Variants in GRIN2B observed in about 807,000 individuals in gnomAD.
The protein encoded by GRIN2B is glutamate ionotropic receptor NMDA type subunit 2B, also known as glutamate receptor ionotropic, NMDA 2B.
In GRIN2B, 5 loss-of-function variants were observed where a neutral mutation model predicts 114.5. That is an observed-to-expected ratio of 0.04 (90% CI 0.02 to 0.09). GRIN2B has a LOEUF of 0.09. GRIN2B is among the 10% of genes least tolerant of loss of function. The probability of loss-of-function intolerance (pLI) is 1.00; values close to 1 mark genes in which losing one functional copy is unlikely to be tolerated. For synonymous variants in GRIN2B, 787 were observed against 745.1 expected, an observed-to-expected ratio of 1.06 and a Z score of -0.92; for missense variants, 1,108 against 1,943.5, an observed-to-expected ratio of 0.57 and a Z score of 8.08.
In GRIN2B at chr12:13,540,902, A is replaced by G. The variant is rs1373104847; in HGVS notation, c.*21881T>C. 1 of 152,224 alleles carries G rather than the reference A, an allele frequency of 6.6e-6. No individual in the cohort carries two copies. The highest frequency in any genetic ancestry group is 1.9e-4 in the East Asian group (1 of 5,186). The allele number at this position is 152,224 out of a possible 1,614,324, so 9.4% of individuals were successfully genotyped here. On this transcript the variant is annotated 3_prime_UTR_variant, in exon 14 of 14. Transcript: ENST00000609686. Reference sequence around the variant, plus strand: ...GGAGAGGACATCACACAGGAAAGCTATGACCATTTCCCCTCTGCCATGTGA... The same window carrying G: ...GGAGAGGACATCACACAGGAAAGCTGTGACCATTTCCCCTCTGCCATGTGA...
At chr12:13,730,630 G>C (rs1020554161) in intron 4 of GRIN2B, among the ~76,000 whole-genome samples, 7 of 152,134 alleles carry the variant, frequency 4.6e-5, no homozygotes, top group Non-Finnish European at 7.3e-5. Flanking sequence ...GTAGGCGATA[G>C]TGAGTGTTAA....
At chr12:13,914,232 C>G (rs955702963) in intron 2 of GRIN2B, among the ~76,000 whole-genome samples, 1 of 152,132 alleles carries the variant, frequency 6.6e-6, no homozygotes, top group African/African-American at 2.4e-5. Context: ...CCCCACTCCT[C>G]CCCACCCCTA....
At chr12:13,879,384 C>T (rs1326147613) in intron 2 of GRIN2B, among the ~76,000 whole-genome samples, 1 of 152,068 alleles carries the variant, frequency 6.6e-6, no homozygotes, top group Non-Finnish European at 1.5e-5. Flanking sequence ...GTATTATGAT[C>T]TTACAGAACC....
At chr12:13,870,098 G>C (rs1474505368) in intron 2 of GRIN2B, among the ~76,000 whole-genome samples, 1 of 152,134 alleles carries the variant, frequency 6.6e-6, no homozygotes, top group African/African-American at 2.4e-5. Flanking sequence ...AGGCTGAAAG[G>C]AATGTTAAGA....
chr12:13,717,799 G>A (rs756146676), intron 4 of GRIN2B, among the ~76,000 whole-genome samples: 10 of 151,936 alleles, frequency 6.6e-5, no homozygotes, highest in Non-Finnish European at 1.5e-4. Flanking sequence ...ATCCAAAACG[G>A]AAAATGGACT....
intron 4 of GRIN2B, among the ~76,000 whole-genome samples, chr12:13,707,326 A>G (rs961764081): frequency 9.2e-5 from 14 of 152,112 alleles, no homozygotes; most frequent in African/African-American, 9.7e-5. Context: ...CAACTCTTTA[A>G]CGGATATTTT....
chr12:13,880,616 C>G (rs1259817103), intron 2 of GRIN2B, among the ~76,000 whole-genome samples: 1 of 152,212 alleles, frequency 6.6e-6, no homozygotes, highest in Non-Finnish European at 1.5e-5. Context: ...TAAGCTGTCA[C>G]TGTTGAGAAG....
At chr12:13,907,974 C>T (rs1866570862) in intron 2 of GRIN2B, among the ~76,000 whole-genome samples, 2 of 152,046 alleles carry the variant, frequency 1.3e-5, no homozygotes, top group Non-Finnish European at 2.9e-5. Context: ...TTTTAAAATC[C>T]TAAAACTGCA....
At chr12:13,938,136 G>A (rs1867161623) in intron 2 of GRIN2B, among the ~76,000 whole-genome samples, 1 of 151,910 alleles carries the variant, frequency 6.6e-6, no homozygotes, top group African/African-American at 2.4e-5. Context: ...CCCCAAAGAA[G>A]GCGGGAAAGA....
intron 3 of GRIN2B, among the ~76,000 whole-genome samples, chr12:13,763,586 G>A (rs1336551874): frequency 6.6e-6 from 1 of 152,094 alleles, no homozygotes; most frequent in Non-Finnish European, 1.5e-5. Flanking sequence ...GAGATGATTA[G>A]GGCATTATTA....
intron 4 of GRIN2B, among the ~76,000 whole-genome samples, chr12:13,686,437 G>C (rs1438871187): frequency 6.6e-6 from 1 of 152,058 alleles, no homozygotes; most frequent in Non-Finnish European, 1.5e-5. Context: ...GTGGGGGCTA[G>C]AACTCTGCTG....
rs576207639 is a variant in GRIN2B, at chr12:13,695,263, C to G, written c.1011-19404G>C. On this transcript the variant is annotated intron_variant, in intron 4 of 13. Coordinates refer to ENST00000609686, the MANE Select transcript of GRIN2B (RefSeq NM_000834.5). ...TTTCGCTCACCTATCCCCTTCCTTC[C>G]CTTCTACCTTGCCAAACACTGGCCT... Among the ~76,000 whole-genome samples, 12 of 152,306 alleles carry G rather than the reference C, an allele frequency of 7.9e-5. No individual in the cohort carries two copies. The East Asian group carries it at 1.5e-3, about 20-fold the overall frequency.
chr12:13,862,679 CAAAAA>C (rs942303852), intron 3 of GRIN2B, among the ~76,000 whole-genome samples: 3 of 149,310 alleles, frequency 2.0e-5, no homozygotes, highest in Non-Finnish European at 4.5e-5. Flanking sequence ...CAAAACAAAA[CAAAAA>C]AAAAACCTGG....
chr12:13,977,512 T>G (rs1347399025), intron 2 of GRIN2B: 2 of 152,210 alleles, frequency 1.3e-5, no homozygotes, highest in Non-Finnish European at 2.9e-5. Context: ...TATTATTACT[T>G]TTCTTAATTG....
chr12:13,971,159 A>C (rs1411617348), intron 2 of GRIN2B, among the ~76,000 whole-genome samples: 1 of 152,158 alleles, frequency 6.6e-6, no homozygotes, highest in Non-Finnish European at 1.5e-5. Context: ...TTTTCTCCTA[A>C]ATATTTAGTG....
At chr12:13,728,362 C>A (rs1863027487) in intron 4 of GRIN2B, among the ~76,000 whole-genome samples, 9 of 152,036 alleles carry the variant, frequency 5.9e-5, no homozygotes. Flanking sequence ...TTTTAGAGAA[C>A]CACTGTTTAG....
chr12:13,749,831 G>A (rs868588218), intron 4 of GRIN2B, among the ~76,000 whole-genome samples: 24 of 152,250 alleles, frequency 1.6e-4, no homozygotes, highest in Admixed American at 7.2e-4. Flanking sequence ...AATCCTTTCT[G>A]GATCCTGATA....
chr12:13,892,738 C>T (rs1028447911), intron 2 of GRIN2B, among the ~76,000 whole-genome samples: 3 of 152,162 alleles, frequency 2.0e-5, no homozygotes, highest in African/African-American at 7.2e-5. Context: ...GCCTAAACTA[C>T]CAACAAAAGT....
intron 5 of GRIN2B, among the ~76,000 whole-genome samples, chr12:13,660,848 G>A (rs372500433): frequency 5.9e-5 from 9 of 152,032 alleles, no homozygotes; most frequent in African/African-American, 2.2e-4. Context: ...TCTTGAGTAC[G>A]GCTCTTCTGC....
Sources: gnomAD v4.1 joint callset for allele counts (sites outside exome capture counted in the v4.1 genomes callset) on GRCh38, gnomAD v4.1.1 for gene constraint, MANE v1.5 for transcripts, NCBI Gene and HGNC (gene_info 2026-07-23, HGNC 2026-07-21) for gene names.